Variants in NTRK3 observed in about 807,000 individuals in gnomAD.
The protein encoded by NTRK3 is neurotrophic receptor tyrosine kinase 3, also known as NT-3 growth factor receptor.
NTRK3 carries 24 observed loss-of-function variants against 91.7 expected under a neutral mutation model. That is an observed-to-expected ratio of 0.26 (90% confidence interval 0.19 to 0.37). The LOEUF is 0.37. NTRK3 is among the 10% of genes least tolerant of loss of function. The pLI is 1.00. For synonymous variants in NTRK3, 483 were observed against 404.0 expected, an observed-to-expected ratio of 1.20 and a Z score of -2.34; for missense variants, 880 against 1,068.9, an observed-to-expected ratio of 0.82 and a Z score of 2.46.
At chr15:87,982,914 G>T (rs1021476888) in intron 14 of NTRK3, among the ~76,000 whole-genome samples, 4 of 152,072 alleles carry the variant, frequency 2.6e-5, no homozygotes, top group Non-Finnish European at 5.9e-5. Flanking sequence ...ACCTTCCAGG[G>T]AGAAGGTATT....
intron 3 of NTRK3, among the ~76,000 whole-genome samples, chr15:88,189,060 A>G (rs1281869830): frequency 6.6e-6 from 1 of 152,174 alleles, no homozygotes; most frequent in African/African-American, 2.4e-5. Flanking sequence ...GGCATAATAC[A>G]TGATGACATT....
At position 88,033,371 on chromosome 15, in the gene NTRK3, C is replaced by T. The variant is rs1218621601; in HGVS notation, c.1397-326G>A. On this transcript the variant is annotated intron_variant, in intron 13 of 18. Transcript: ENST00000394480. ...CATCACCCAGGCTGGAGGGCAGTGG[C>T]GCCATCTTGGCTCACTGCAACCTCT... Among the ~76,000 whole-genome samples the T allele has an allele frequency of 5.3e-5, 8 of 150,566 alleles. No individual in the cohort carries two copies. The South Asian group carries it at 1.1e-3, about 20-fold the overall frequency.
At chr15:88,026,265 C>T (rs748675275) in intron 14 of NTRK3, among the ~76,000 whole-genome samples, 27 of 151,440 alleles carry the variant, frequency 1.8e-4, no homozygotes, top group Admixed American at 3.3e-4. Flanking sequence ...AGTGAAACTC[C>T]GTTTCAAAAT....
At chr15:88,173,311 T>C (rs548142209) in intron 5 of NTRK3, among the ~76,000 whole-genome samples, 2 of 152,332 alleles carry the variant, frequency 1.3e-5, no homozygotes, top group African/African-American at 4.8e-5. Flanking sequence ...TTATCTACTC[T>C]GGCCCATATC....
chr15:87,909,940 A>T (rs952106322), intron 17 of NTRK3, among the ~76,000 whole-genome samples: 2 of 152,284 alleles, frequency 1.3e-5, no homozygotes, highest in Admixed American at 1.3e-4. Flanking sequence ...AGAAAATCAG[A>T]TTCTGTTGTT....
chr15:88,231,319 C>G (rs2051159831), intron 3 of NTRK3, among the ~76,000 whole-genome samples: 1 of 152,020 alleles, frequency 6.6e-6, no homozygotes, highest in African/African-American at 2.4e-5. Flanking sequence ...CTCCCCTTGC[C>G]CCCCACCCAC....
chr15:88,006,724 C>T (rs1404460110), intron 14 of NTRK3, among the ~76,000 whole-genome samples: 2 of 152,160 alleles, frequency 1.3e-5, no homozygotes, highest in Non-Finnish European at 2.9e-5. Context: ...TGGGAAAGCA[C>T]ACAGGAGCAC....
At chr15:87,945,298 ATCT>A (rs1257444374) in intron 14 of NTRK3, among the ~76,000 whole-genome samples, 4 of 152,332 alleles carry the variant, frequency 2.6e-5, no homozygotes, top group Admixed American at 1.3e-4. Flanking sequence ...CCACCTGTAG[ATCT>A]TCTTGTTCCC....
At chr15:88,124,348 G>A (rs2053057158) in intron 13 of NTRK3, among the ~76,000 whole-genome samples, 1 of 152,224 alleles carries the variant, frequency 6.6e-6, no homozygotes, top group Non-Finnish European at 1.5e-5. Flanking sequence ...TCTGAGGACA[G>A]CTGAGGGGAG....
At chr15:87,879,340 G>A (rs988232025) in intron 18 of NTRK3, among the ~76,000 whole-genome samples, 16 of 152,156 alleles carry the variant, frequency 1.1e-4, no homozygotes, top group African/African-American at 2.9e-4. Context: ...TTCATAGGTC[G>A]ACTGGGTTGA....
chr15:88,011,736 T>C (rs531255516), intron 14 of NTRK3, among the ~76,000 whole-genome samples: 6 of 152,236 alleles, frequency 3.9e-5, no homozygotes, highest in African/African-American at 1.4e-4. Flanking sequence ...CATTACTCTA[T>C]GGGAAAGTTG....
At chr15:88,179,217 C>G (rs2046254885) in intron 5 of NTRK3, among the ~76,000 whole-genome samples, 1 of 152,206 alleles carries the variant, frequency 6.6e-6, no homozygotes, top group Non-Finnish European at 1.5e-5. Context: ...CTGATACCAG[C>G]AGTTTTATGT....
At chr15:87,950,207 G>A (rs181648414) in intron 14 of NTRK3, among the ~76,000 whole-genome samples, 1 of 152,318 alleles carries the variant, frequency 6.6e-6, no homozygotes, top group Non-Finnish European at 1.5e-5. Flanking sequence ...GCAGGGCACT[G>A]GAGCCATGAG....
At chr15:87,979,526 C>T (rs2074017327) in intron 14 of NTRK3, 2 of 1,082,700 alleles carry the variant, frequency 1.8e-6, no homozygotes, top group Non-Finnish European at 2.8e-6. Context: ...CCAAAACCCC[C>T]AAAGAAGATC....
At chr15:88,007,923 T>C (rs1290640817) in intron 14 of NTRK3, among the ~76,000 whole-genome samples, 1 of 152,144 alleles carries the variant, frequency 6.6e-6, no homozygotes, top group East Asian at 1.9e-4. Context: ...ACCAAGAAAA[T>C]GCTCCTTTAT....
chr15:87,869,564 C>G (rs943477775), exon 19 of NTRK3: 1 of 216,276 alleles, frequency 4.6e-6, no homozygotes, highest in African/African-American at 2.3e-5. Context: ...CTGTTTGTGG[C>G]TCTGGGATTC....
intron 17 of NTRK3, among the ~76,000 whole-genome samples, chr15:87,922,959 G>C (rs1416340707): frequency 2.0e-5 from 3 of 152,220 alleles, no homozygotes; most frequent in African/African-American, 2.4e-5. Flanking sequence ...TGGCAGGTGG[G>C]ACCAAGCTCT....
intron 14 of NTRK3, among the ~76,000 whole-genome samples, chr15:88,026,228 G>A (rs926184130): frequency 9.2e-5 from 14 of 152,074 alleles, no homozygotes; most frequent in East Asian, 3.9e-4. Flanking sequence ...CCAAGAATGC[G>A]CCACTGCACT....
intron 5 of NTRK3, among the ~76,000 whole-genome samples, chr15:88,157,726 G>A (rs2044049562): frequency 1.3e-5 from 2 of 152,066 alleles, no homozygotes; most frequent in African/African-American, 4.8e-5. Flanking sequence ...GAGGACTTGG[G>A]AGAGGAGATA....
Sources: allele counts gnomAD v4.1 joint callset (sites outside exome capture counted in the v4.1 genomes callset), GRCh38; gene constraint gnomAD v4.1.1; transcripts MANE v1.5; gene names NCBI Gene and HGNC (gene_info 2026-07-23, HGNC 2026-07-21).